The following GRM7 variants were observed in gnomAD, a reference collection of about 807,000 sequenced individuals.
GRM7 encodes glutamate metabotropic receptor 7, also known as metabotropic glutamate receptor 7.
In GRM7, 35 loss-of-function variants were observed where a neutral mutation model predicts 84.5. That is an observed-to-expected ratio of 0.41 (90% CI 0.32 to 0.55). The LOEUF is 0.55. Ranked by LOEUF, GRM7 falls within the 20% of genes least tolerant of loss-of-function variation. The pLI, the probability that GRM7 is intolerant of heterozygous loss-of-function variation, is 0.19. For synonymous variants in GRM7, 487 were observed against 455.1 expected (o/e 1.07, Z -0.89); for missense variants, 1,003 against 1,194.6 (o/e 0.84, Z 2.36).
Position 6,945,983 on chromosome 3 carries a change from C to T in GRM7, c.519+84076C>T, listed in dbSNP as rs368582029. Among the ~76,000 whole-genome samples, 27 of 152,130 alleles carry T rather than the reference C, an allele frequency of 1.8e-4. 1 individual carries two copies. The highest frequency in any genetic ancestry group is 7.8e-4 in the East Asian group (4 of 5,156). On this transcript the variant is annotated intron_variant, in intron 1 of 9. Coordinates refer to ENST00000357716, the MANE Select transcript of GRM7 (RefSeq NM_000844.4). ...AGCCCTTTGTCAGATGAGTAGGTTG[C>T]GAAAATTTTCTCCCGTTTTGTAGGT...
intron 4 of GRM7, among the ~76,000 whole-genome samples, chr3:7,342,784 T>C (rs1431191121): frequency 6.6e-6 from 1 of 152,126 alleles, no homozygotes; most frequent in African/African-American, 2.4e-5. Context: ...GTTTAATTAG[T>C]ACCATTGTGG....
rs372698710 is a variant in GRM7 at position 7,001,315 on chromosome 3, A to C, written c.519+139408A>C. Among the ~76,000 whole-genome samples the C allele has an allele frequency of 1.1e-3, 173 of 152,216 alleles. 1 individual carries two copies. Among genetic ancestry groups the C allele is most frequent in the South Asian group, 4.4e-3 (21 of 4,826 alleles). On this transcript the variant is annotated intron_variant, in intron 1 of 9. Transcript: ENST00000357716. ...CAGTGAGCTGTGATTGTGCAACTGC[A>C]CTCCAACCTGGGTGACAGAGTGAGA...
At chr3:7,191,803 T>C (rs983626725) in intron 2 of GRM7, among the ~76,000 whole-genome samples, 1 of 151,960 alleles carries the variant, frequency 6.6e-6, no homozygotes, top group Non-Finnish European at 1.5e-5. Context: ...CTGATTGTGG[T>C]AGTGATTCTA....
intron 2 of GRM7, among the ~76,000 whole-genome samples, chr3:7,192,198 T>G (rs1695731957): frequency 6.6e-6 from 1 of 152,132 alleles, no homozygotes; most frequent in Non-Finnish European, 1.5e-5. Flanking sequence ...GAAGACCTGG[T>G]AAGGCTTGGG....
At chr3:7,496,798 G>T (rs1230607872) in intron 7 of GRM7, among the ~76,000 whole-genome samples, 1 of 151,820 alleles carries the variant, frequency 6.6e-6, no homozygotes, top group East Asian at 1.9e-4. Flanking sequence ...TATAGATATA[G>T]ATGTATGTGT....
At chr3:7,738,645 G>C (rs1702581776) in intron 9 of GRM7, among the ~76,000 whole-genome samples, 1 of 151,532 alleles carries the variant, frequency 6.6e-6, no homozygotes, top group South Asian at 2.1e-4. Flanking sequence ...AGACAGTTAT[G>C]CTACAGAAAA....
intron 4 of GRM7, among the ~76,000 whole-genome samples, chr3:7,316,844 C>T (rs1035970541): frequency 6.6e-6 from 1 of 152,070 alleles, no homozygotes; most frequent in Non-Finnish European, 1.5e-5. Flanking sequence ...CAATTTTGTG[C>T]AGCCATTGAA....
At chr3:7,602,725 T>G (rs2125072007) in intron 8 of GRM7, among the ~76,000 whole-genome samples, 1 of 152,310 alleles carries the variant, frequency 6.6e-6, no homozygotes, top group Non-Finnish European at 1.5e-5. Context: ...TCAGAAGAAA[T>G]TACCTTTTTG....
intron 7 of GRM7, among the ~76,000 whole-genome samples, chr3:7,566,401 T>C (rs1694270624): frequency 6.6e-6 from 1 of 152,228 alleles, no homozygotes; most frequent in Admixed American, 6.5e-5. Context: ...TCATTCTTTC[T>C]CATTGAGAGA....
rs368653834 is a variant in GRM7, at chr3:7,725,208, CAG to C, written c.2699-15146_2699-15145del. Among the ~76,000 whole-genome samples the C allele has an allele frequency of 1.3e-3, 202 of 152,196 alleles. 1 individual carries two copies. Among genetic ancestry groups the C allele is most frequent in the South Asian group, 4.4e-3 (21 of 4,820 alleles). ...CTGGGGGTTGGCAAGTGCTGTTTCA[CAG>C]AGGGGATGAAGGAGGGCCTCTCCAA... On this transcript the variant is annotated intron_variant, in intron 9 of 9. Coordinates refer to ENST00000357716, the MANE Select transcript of GRM7 (RefSeq NM_000844.4).
At position 7,004,306 on chromosome 3, in the gene GRM7, A is replaced by G. The variant is rs535744566; in HGVS notation, c.520-142146A>G. On this transcript the variant is annotated intron_variant, in intron 1 of 9. Coordinates refer to ENST00000357716, the MANE Select transcript of GRM7 (RefSeq NM_000844.4). Reference sequence around the variant, plus strand: ...TAAACACAAGAATTACATGTATATGATGTATTGGGATGAACTGGAAAAATG... The same window carrying G: ...TAAACACAAGAATTACATGTATATGGTGTATTGGGATGAACTGGAAAAATG... 3.0e-4 allele frequency among the ~76,000 whole-genome samples: 45 copies of G among 152,284 alleles called. 1 individual carries two copies. The South Asian group carries it at 6.2e-3, about 21-fold the overall frequency.
At chr3:7,350,955 C>T (rs905057557) in intron 4 of GRM7, among the ~76,000 whole-genome samples, 1 of 152,048 alleles carries the variant, frequency 6.6e-6, no homozygotes, top group African/African-American at 2.4e-5. Context: ...TGTAGAAGAT[C>T]AGAGTAAATC....
intron 1 of GRM7, among the ~76,000 whole-genome samples, chr3:7,099,249 TACATGTATTATACATGTATATATGA>T (rs1559438763): frequency 1.3e-3 from 177 of 134,728 alleles, no homozygotes; most frequent in Middle Eastern, 3.9e-3. Context: ...TATATATGAA[TACATGTATTATACATGTATATATGA>T]ATACATGTAT....
intron 2 of GRM7, among the ~76,000 whole-genome samples, chr3:7,160,377 G>C (rs111385167): frequency 1.2e-4 from 18 of 152,266 alleles, no homozygotes; most frequent in African/African-American, 4.3e-4. Flanking sequence ...CAGAGGAATG[G>C]ATGAGTGATT....
chr3:7,323,861 A>G (rs1003058463), intron 4 of GRM7, among the ~76,000 whole-genome samples: 8 of 152,328 alleles, frequency 5.3e-5, no homozygotes, highest in Middle Eastern at 3.4e-3. Flanking sequence ...GAACTACTTT[A>G]GAGCTATAAT....
At chr3:7,204,616 AGTGCTAGGT>A (rs1182999912) in intron 2 of GRM7, among the ~76,000 whole-genome samples, 1 of 152,194 alleles carries the variant, frequency 6.6e-6, no homozygotes, top group Non-Finnish European at 1.5e-5. Flanking sequence ...AGCAGAAATG[AGTGCTAGGT>A]GGGCAAATAA....
chr3:7,156,511 C>T lies in GRM7; in HGVS notation c.736+9843C>T, dbSNP rs532449646. On this transcript the variant is annotated intron_variant, in intron 2 of 9. Transcript: ENST00000357716. ...CTATTGAGCTGATTCTCACTTTGAC[C>T]GGCTTTTGACTGATAATTATTATTT... Among the ~76,000 whole-genome samples the T allele has an allele frequency of 6.9e-4, 105 of 152,244 alleles. 1 individual carries two copies. In the South Asian group the frequency reaches 1.0e-2, roughly 14 times the overall value.
intron 4 of GRM7, among the ~76,000 whole-genome samples, chr3:7,413,960 G>A (rs1406482969): frequency 6.6e-6 from 1 of 152,092 alleles, no homozygotes; most frequent in African/African-American, 2.4e-5. Context: ...CTATAGGATG[G>A]GTGTCAGAAA....
At chr3:7,230,709 C>G (rs565732249) in intron 2 of GRM7, among the ~76,000 whole-genome samples, 1 of 152,170 alleles carries the variant, frequency 6.6e-6, no homozygotes, top group Non-Finnish European at 1.5e-5. Flanking sequence ...TTGTGAGGAG[C>G]GTTTGTGAAT....
Sources: gnomAD v4.1 joint callset for allele counts (sites outside exome capture counted in the v4.1 genomes callset) on GRCh38, gnomAD v4.1.1 for gene constraint, MANE v1.5 for transcripts, NCBI Gene and HGNC (gene_info 2026-07-23, HGNC 2026-07-21) for gene names.